Variants in TULP4 observed in about 807,000 individuals in gnomAD.
The protein encoded by TULP4 is tubby-related protein 4.
In TULP4, 16 loss-of-function variants were observed where a neutral mutation model predicts 129.0. The ratio of observed to expected loss-of-function variants is 0.12; its 90% CI spans 0.08 to 0.19. The LOEUF (loss-of-function observed/expected upper bound fraction) is 0.19, where lower values mean the gene tolerates loss of function less well. TULP4 is among the 10% of genes least tolerant of loss of function. The probability of loss-of-function intolerance (pLI) is 1.00; values close to 1 mark genes in which losing one functional copy is unlikely to be tolerated. For missense variants in TULP4, 1,842 were observed against 2,059.1 expected (o/e 0.89, Z 2.04); for synonymous variants, 998 against 854.0 (o/e 1.17, Z -2.94).
At chr6:158,454,067 T>C (rs2115156236) in intron 5 of TULP4, among the ~76,000 whole-genome samples, 1 of 148,874 alleles carries the variant, frequency 6.7e-6, no homozygotes, top group East Asian at 2.0e-4. Context: ...AGAATATTTT[T>C]AGAAACATAT....
intron 1 of TULP4, among the ~76,000 whole-genome samples, chr6:158,378,031 T>G (rs2114903091): frequency 6.6e-6 from 1 of 152,272 alleles, no homozygotes; most frequent in South Asian, 2.1e-4. Flanking sequence ...AGCTGGAATG[T>G]CAGAGGCAGC....
chr6:158,416,715 A>G (rs1778218630), intron 2 of TULP4, among the ~76,000 whole-genome samples: 1 of 152,212 alleles, frequency 6.6e-6, no homozygotes, highest in South Asian at 2.1e-4. Flanking sequence ...CAGTAGCTAC[A>G]AGGTAATGTC....
At chr6:158,292,080 C>T (rs2128471017) in intron 1 of TULP4, among the ~76,000 whole-genome samples, 1 of 152,242 alleles carries the variant, frequency 6.6e-6, no homozygotes, top group South Asian at 2.1e-4. Context: ...ATCCTTATTT[C>T]CTAAATTGGG....
chr6:158,506,586 G>A lies in TULP4; in HGVS notation c.4524G>A (p.Gln1508=), dbSNP rs1218273038. The change falls in exon 14 of 14, where the codon CAG becomes CAA. Residue 1508 remains glutamine (Q), a synonymous_variant. Transcript: ENST00000367097. ...CCCCTGCCCTCCTCCAGGTGATGCA[G>A]TTTGGACGGATTGATGGCAGTGCGT... The part of the protein sequence containing the change: ...QIELEGRQVM[Q]FGRIDGSAYI... 1 of 1,611,180 alleles carries A rather than the reference G, an allele frequency of 6.2e-7. No individual in the cohort carries two copies. Among genetic ancestry groups the A allele is most frequent in the Non-Finnish European group, 8.5e-7 (1 of 1,177,330 alleles).
intron 1 of TULP4, among the ~76,000 whole-genome samples, chr6:158,387,148 G>A (rs1426658140): frequency 6.6e-6 from 1 of 152,166 alleles, no homozygotes; most frequent in Non-Finnish European, 1.5e-5. Flanking sequence ...GACCACAGCA[G>A]CACTGTAAGT....
At chr6:158,233,154 C>G (rs953493043) in intron 1 of TULP4, among the ~76,000 whole-genome samples, 1 of 152,168 alleles carries the variant, frequency 6.6e-6, no homozygotes, top group African/African-American at 2.4e-5. Context: ...ACAGCCCTCT[C>G]CGAGGTTGAG....
chr6:158,391,680 C>T (rs1777588024), intron 1 of TULP4, among the ~76,000 whole-genome samples: 1 of 152,188 alleles, frequency 6.6e-6, no homozygotes, highest in South Asian at 2.1e-4. Flanking sequence ...GGACGGGCTA[C>T]TTTGGTACAT....
chr6:158,306,385 T>C (rs1383633389), intron 1 of TULP4, among the ~76,000 whole-genome samples: 2 of 152,200 alleles, frequency 1.3e-5, no homozygotes, highest in African/African-American at 2.4e-5. Context: ...TGGGAAACCC[T>C]GTCTCTTCAA....
At chr6:158,240,773 G>C (rs1373147419) in intron 1 of TULP4, among the ~76,000 whole-genome samples, 11 of 141,562 alleles carry the variant, frequency 7.8e-5, no homozygotes, top group African/African-American at 2.0e-4. Context: ...CCTCCCGGTC[G>C]GCACGGCTGG....
chr6:158,276,089 C>T (rs1422471142), intron 1 of TULP4, among the ~76,000 whole-genome samples: 3 of 152,202 alleles, frequency 2.0e-5, no homozygotes, highest in Non-Finnish European at 4.4e-5. Context: ...CCTGTCTCAG[C>T]CCCCCAAGTA....
intron 1 of TULP4, among the ~76,000 whole-genome samples, chr6:158,404,226 G>A (rs901610336): frequency 1.3e-4 from 20 of 152,104 alleles, no homozygotes; most frequent in Non-Finnish European, 2.2e-4. Flanking sequence ...TTTCTTCCTA[G>A]CAGCATCTCC....
Position 158,237,366 on chromosome 6 carries a change from T to C in TULP4, n.68+5063T>C, listed in dbSNP as rs183343507. Reference sequence around the variant, plus strand: ...AGCCACCTTTTCCACCTTTCTTCTTTTTCTGTTGCTGTTTCTTTTTTGTTG... The same window carrying C: ...AGCCACCTTTTCCACCTTTCTTCTTCTTCTGTTGCTGTTTCTTTTTTGTTG... On this transcript the variant is annotated intron_variant and non_coding_transcript_variant, in intron 1 of 1. Coordinates refer to the TULP4 transcript ENST00000620026. The C allele has an allele frequency of 9.9e-6, 16 of 1,612,658 alleles. No homozygotes were observed. In the Admixed American group the frequency reaches 1.8e-4, roughly 19 times the overall value.
chr6:158,352,888 T>G (rs1780558132), intron 1 of TULP4, among the ~76,000 whole-genome samples: 1 of 152,262 alleles, frequency 6.6e-6, no homozygotes, highest in Admixed American at 6.5e-5. Context: ...ATCTATTTAT[T>G]TTAAGATGTT....
intron 5 of TULP4, among the ~76,000 whole-genome samples, chr6:158,459,430 C>CAA (rs5881265): frequency 2.1e-4 from 30 of 144,820 alleles, no homozygotes; most frequent in Non-Finnish European, 2.4e-4. Flanking sequence ...AACTCTGTCT[C>CAA]AAAAAAAAAA....
intron 1 of TULP4, among the ~76,000 whole-genome samples, chr6:158,366,194 C>T (rs982200406): frequency 1.3e-5 from 2 of 152,138 alleles, no homozygotes; most frequent in African/African-American, 2.4e-5. Flanking sequence ...TGGGCCACCG[C>T]GCCTGGCCGT....
At chr6:158,428,035 A>G (rs909996584) in intron 2 of TULP4, 6 of 152,342 alleles carry the variant, frequency 3.9e-5, no homozygotes, top group Admixed American at 1.3e-4. Flanking sequence ...AGGCAAGAGA[A>G]TCGCTTGGAC....
chr6:158,379,019 C>T (rs774122272), intron 1 of TULP4, among the ~76,000 whole-genome samples: 3 of 152,144 alleles, frequency 2.0e-5, no homozygotes, highest in Non-Finnish European at 2.9e-5. Context: ...GTGTGGGAAG[C>T]AGCCTGTCCT....
rs544192002 is a variant in TULP4, at chr6:158,508,498, T to C, written c.*1804T>C. 1 of 149,814 alleles carries C rather than the reference T, an allele frequency of 6.7e-6. No individual in the cohort carries two copies. Among genetic ancestry groups the C allele is most frequent in the East Asian group, 1.9e-4 (1 of 5,176 alleles). The allele number at this position is 149,814 out of a possible 1,614,324, so 9.3% of individuals were successfully genotyped here. On this transcript the variant is annotated 3_prime_UTR_variant, in exon 14 of 14. Transcript: ENST00000367097. ...CTGATGTGGCAAAGGATATTTCCCATCTAATACCAGTTTCTCATTTATATT... is the reference window on the plus strand; with the variant it reads ...CTGATGTGGCAAAGGATATTTCCCACCTAATACCAGTTTCTCATTTATATT...
rs189424985 is a variant in TULP4, at chr6:158,345,888, G to A, written c.252+31620G>A. On this transcript the variant is annotated intron_variant, in intron 1 of 13. Coordinates refer to ENST00000367097, the MANE Select transcript of TULP4 (RefSeq NM_020245.5). ...TTATTTCAGTCCTTATGTCAACCGC[G>A]TAAGACAGACACTCCCAAAGCAGAC... Among the ~76,000 whole-genome samples, 111 of 152,208 alleles carry A rather than the reference G, an allele frequency of 7.3e-4. 1 individual carries two copies. Among genetic ancestry groups the A allele is most frequent in the African/African-American group, 1.0e-3 (42 of 41,522 alleles).
Sources: allele counts gnomAD v4.1 joint callset (sites outside exome capture counted in the v4.1 genomes callset), GRCh38; gene constraint gnomAD v4.1.1; transcripts MANE v1.5; gene names NCBI Gene and HGNC (gene_info 2026-07-23, HGNC 2026-07-21).